Variants in LRRC4C observed in about 807,000 individuals in gnomAD.
LRRC4C encodes the protein leucine-rich repeat-containing protein 4C.
A neutral mutation model predicts 33.6 loss-of-function variants in LRRC4C; 5 were observed. The observed-to-expected ratio is 0.15, with a 90% CI of 0.08 to 0.31. LRRC4C has a LOEUF of 0.31. Among genes scored for constraint, LRRC4C ranks in the 10% least tolerant of loss-of-function variants. LRRC4C has a pLI of 1.00. For synonymous variants in LRRC4C, 329 were observed against 302.0 expected, an observed-to-expected ratio of 1.09 and a Z score of -0.93; for missense variants, 560 against 796.7, an observed-to-expected ratio of 0.70 and a Z score of 3.58.
At chr11:41,081,111 C>G (rs1422426688) in intron 1 of LRRC4C, among the ~76,000 whole-genome samples, 1 of 152,072 alleles carries the variant, frequency 6.6e-6, no homozygotes, top group East Asian at 1.9e-4. Flanking sequence ...CATTATTGTA[C>G]CTGAGTTATT....
At chr11:40,799,422 G>A (rs1029764632) in intron 2 of LRRC4C, among the ~76,000 whole-genome samples, 1 of 152,110 alleles carries the variant, frequency 6.6e-6, no homozygotes, top group African/African-American at 2.4e-5. Flanking sequence ...AAACAACATG[G>A]TAGAGTTAAA....
chr11:40,395,259 G>T (rs1003628316), intron 3 of LRRC4C, among the ~76,000 whole-genome samples: 1 of 152,010 alleles, frequency 6.6e-6, no homozygotes, highest in Non-Finnish European at 1.5e-5. Flanking sequence ...TAAACTTTTG[G>T]CATTGCCTGT....
At chr11:41,380,790 C>T (rs1017059042) in intron 1 of LRRC4C, among the ~76,000 whole-genome samples, 2 of 152,048 alleles carry the variant, frequency 1.3e-5, no homozygotes, top group African/African-American at 2.4e-5. Context: ...TTGGGTCTAC[C>T]TTTGTGAGAA....
At chr11:40,282,983 C>A (rs1762247954) in intron 4 of LRRC4C, among the ~76,000 whole-genome samples, 1 of 152,184 alleles carries the variant, frequency 6.6e-6, no homozygotes, top group South Asian at 2.1e-4. Context: ...GGACATTACT[C>A]AAACTTAAAA....
chr11:40,660,393 ACCACTGG>A (rs1340430578), intron 2 of LRRC4C, among the ~76,000 whole-genome samples: 1 of 152,218 alleles, frequency 6.6e-6, no homozygotes, highest in Non-Finnish European at 1.5e-5. Context: ...GGGCAAAGGC[ACCACTGG>A]CCACAGAAGT....
chr11:41,316,280 C>CAAAA (rs796848005), intron 1 of LRRC4C, among the ~76,000 whole-genome samples: 8 of 90,698 alleles, frequency 8.8e-5, no homozygotes, highest in African/African-American at 1.5e-4. Flanking sequence ...AAAAAAAAAA[C>CAAAA]AAAAAAAAAC....
At chr11:41,037,263 A>G (rs1323323253) in intron 1 of LRRC4C, among the ~76,000 whole-genome samples, 3 of 140,308 alleles carry the variant, frequency 2.1e-5, no homozygotes, top group African/African-American at 5.3e-5. Context: ...CATTCTTCCC[A>G]ATTACCTATC....
intron 3 of LRRC4C, among the ~76,000 whole-genome samples, chr11:40,382,684 ATTTTTT>A (rs35200000): frequency 4.1e-4 from 27 of 65,576 alleles, no homozygotes; most frequent in African/African-American, 1.7e-3. Context: ...ACTTGTACTC[ATTTTTT>A]TTTTTTTTTT....
rs189711327 is a variant in LRRC4C, at chr11:41,399,813, G to A, written c.-496+59618C>T. On this transcript the variant is annotated intron_variant, in intron 1 of 6. Coordinates refer to ENST00000528697, the MANE Select transcript of LRRC4C (RefSeq NM_001258419.2). ...AATTTTTTGCATCAACTAAAGATTT[G>A]TTATTTGATGCAAACTGCTCAGAAT... Among the ~76,000 whole-genome samples, 152 of 152,010 alleles carry A rather than the reference G, an allele frequency of 1.0e-3. 6 individuals are homozygous for A. In the East Asian group the frequency reaches 0.023, roughly 23 times the overall value.
intron 1 of LRRC4C, among the ~76,000 whole-genome samples, chr11:41,187,099 T>G (rs1945726893): frequency 6.6e-6 from 1 of 152,096 alleles, no homozygotes; most frequent in Non-Finnish European, 1.5e-5. Flanking sequence ...ATAGCAGTGA[T>G]ATGGGAAGGG....
intron 5 of LRRC4C, among the ~76,000 whole-genome samples, chr11:40,220,065 C>G (rs1864290898): frequency 6.6e-6 from 1 of 152,128 alleles, no homozygotes; most frequent in Non-Finnish European, 1.5e-5. Flanking sequence ...AAAGCAGTTG[C>G]ATCACTTCAC....
chr11:41,367,061 T>C (rs1167916485), intron 1 of LRRC4C, among the ~76,000 whole-genome samples: 1 of 152,196 alleles, frequency 6.6e-6, no homozygotes, highest in Non-Finnish European at 1.5e-5. Context: ...CTATGTTCTT[T>C]CTATCTCACT....
chr11:40,705,440 A>T (rs1432867695), intron 2 of LRRC4C, among the ~76,000 whole-genome samples: 1 of 151,664 alleles, frequency 6.6e-6, no homozygotes, highest in Non-Finnish European at 1.5e-5. Context: ...TCCACTTATG[A>T]GTGAGAACAT....
At chr11:40,263,208 A>G (rs1941995615) in intron 4 of LRRC4C, among the ~76,000 whole-genome samples, 1 of 152,260 alleles carries the variant, frequency 6.6e-6, no homozygotes, top group South Asian at 2.1e-4. Flanking sequence ...GTACTGATTC[A>G]GAGCACAAAT....
intron 1 of LRRC4C, among the ~76,000 whole-genome samples, chr11:41,416,875 T>C (rs1954701728): frequency 6.6e-6 from 1 of 152,060 alleles, no homozygotes; most frequent in Admixed American, 6.6e-5. Context: ...TGAGGTGTTT[T>C]CATTTCTGAT....
chr11:41,257,781 A>T (rs1490210412), intron 1 of LRRC4C, among the ~76,000 whole-genome samples: 3 of 152,060 alleles, frequency 2.0e-5, no homozygotes, highest in African/African-American at 7.2e-5. Flanking sequence ...CTACTTTGCC[A>T]GAGTGACTTT....
intron 1 of LRRC4C, among the ~76,000 whole-genome samples, chr11:40,977,862 TG>T (rs1157306087): frequency 1.3e-5 from 2 of 152,190 alleles, no homozygotes; most frequent in African/African-American, 4.8e-5. Context: ...CAGAATGTCT[TG>T]GGATTCTGAG....
chr11:40,195,537 G>A (rs1862191113), intron 5 of LRRC4C, among the ~76,000 whole-genome samples: 1 of 152,034 alleles, frequency 6.6e-6, no homozygotes, highest in African/African-American at 2.4e-5. Context: ...GTGCCCTGAA[G>A]GGCATGTAAA....
intron 2 of LRRC4C, among the ~76,000 whole-genome samples, chr11:40,918,514 T>C (rs1957051669): frequency 6.6e-6 from 1 of 152,072 alleles, no homozygotes. Context: ...AGGTGTCTAC[T>C]AGATGCATCA....
Sources: gnomAD v4.1 joint callset for allele counts (sites outside exome capture counted in the v4.1 genomes callset) on GRCh38, gnomAD v4.1.1 for gene constraint, MANE v1.5 for transcripts, NCBI Gene and HGNC (gene_info 2026-07-23, HGNC 2026-07-21) for gene names.